Variants in PRKCZ observed in about 807,000 individuals in gnomAD.
PRKCZ encodes the protein protein kinase C zeta.
A neutral mutation model predicts 79.5 loss-of-function variants in PRKCZ; 33 were observed. The observed-to-expected ratio is 0.41, with a 90% CI of 0.31 to 0.55. PRKCZ has a LOEUF of 0.55. Among genes scored for constraint, PRKCZ ranks in the 20% least tolerant of loss-of-function variants. PRKCZ has a pLI of 0.19. For missense variants in PRKCZ, 578 were observed against 813.5 expected (o/e 0.71, Z 3.52); for synonymous variants, 342 against 320.9 (o/e 1.07, Z -0.70).
At chr1:2,148,822 GC>G in intron 7 of PRKCZ, 49 bp from the exon 8 acceptor site, 1 of 1,585,088 alleles carries the variant, frequency 6.3e-7, no homozygotes. Flanking sequence ...TGTTCCCAGT[GC>G]GTTCCTGACC....
chr1:2,100,396 C>T (rs894493132), intron 4 of PRKCZ, among the ~76,000 whole-genome samples: 10 of 152,228 alleles, frequency 6.6e-5, no homozygotes, highest in African/African-American at 2.4e-4. Context: ...CCAGCTGCCC[C>T]TTCCTCCAGG....
intron 4 of PRKCZ, among the ~76,000 whole-genome samples, chr1:2,112,366 G>A (rs1669912470): frequency 6.6e-6 from 1 of 152,178 alleles, no homozygotes; most frequent in African/African-American, 2.4e-5. Flanking sequence ...GAGGCGGCCC[G>A]CGAACCTCTG....
intron 16 of PRKCZ, among the ~76,000 whole-genome samples, chr1:2,179,081 A>G (rs1227264036): frequency 1.3e-5 from 2 of 152,164 alleles, no homozygotes; most frequent in Admixed American, 6.5e-5. Context: ...GAAGAGAGGC[A>G]GTGTGTGTGC....
chr1:2,182,217 C>G, intron 16 of PRKCZ: 1 of 227,792 alleles, frequency 4.4e-6, no homozygotes, highest in Non-Finnish European at 8.9e-6. Context: ...GTTGTTGTGG[C>G]TGTTCTTGGC....
At chr1:2,179,776 G>T (rs965464860) in intron 16 of PRKCZ, among the ~76,000 whole-genome samples, 1 of 152,204 alleles carries the variant, frequency 6.6e-6, no homozygotes, top group African/African-American at 2.4e-5. Flanking sequence ...GGAGGAGCAA[G>T]GACTCTAATG....
At chr1:2,132,049 G>C (rs1482689044) in intron 4 of PRKCZ, among the ~76,000 whole-genome samples, 5 of 152,214 alleles carry the variant, frequency 3.3e-5, no homozygotes, top group African/African-American at 9.6e-5. Flanking sequence ...CTGACCTTGT[G>C]ATCTGCCCGC....
chr1:2,113,937 A>G (rs61775448), intron 4 of PRKCZ, among the ~76,000 whole-genome samples: 95,070 of 151,398 alleles, frequency 0.63, 29,968 homozygotes, highest in African/African-American at 0.69. Flanking sequence ...GCGGGGGCCC[A>G]GCCCACAGCA....
chr1:2,137,029 G>A (rs1278132406), intron 5 of PRKCZ, among the ~76,000 whole-genome samples: 1 of 152,180 alleles, frequency 6.6e-6, no homozygotes, highest in African/African-American at 2.4e-5. Context: ...GGCTGGGGAA[G>A]AAAGAAGCCA....
chr1:2,050,615 G>C lies in PRKCZ; in HGVS notation c.-16G>C. ...CTCCCGGGGCGCAGCGCTGACGGCG[G>C]CGGGGGGAGCGCGCCATGCCCAGCA... is the stretch of plus-strand genomic sequence containing the variant. On this transcript the variant is annotated 5_prime_UTR_variant, in exon 1 of 18. Transcript: ENST00000378567. 3 of 1,220,684 alleles carry C rather than the reference G, an allele frequency of 2.5e-6. No homozygotes were observed. Among genetic ancestry groups the C allele is most frequent in the Non-Finnish European group, 3.1e-6 (3 of 980,120 alleles). 75.6% of individuals were successfully genotyped at this position (1,220,684 alleles called of 1,614,324 possible). A position where few individuals can be genotyped will look rare whatever the true frequency, so the allele number is the denominator to read the frequency against.
chr1:2,165,611 G>C lies in PRKCZ; in HGVS notation c.975-3907G>C, dbSNP rs1217068576. Among the ~76,000 whole-genome samples the C allele has an allele frequency of 2.0e-5, 3 of 152,248 alleles. No homozygotes were observed. Among genetic ancestry groups the C allele is most frequent in the African/African-American group, 4.8e-5 (2 of 41,468 alleles). ...CACCTTTGTGGGCCATGCGGCCTCTGTGGCAACTATGCGTTCTAAAACAGA... is the reference window on the plus strand; with the variant it reads ...CACCTTTGTGGGCCATGCGGCCTCTCTGGCAACTATGCGTTCTAAAACAGA... On this transcript the variant is annotated intron_variant, in intron 10 of 17. Coordinates refer to ENST00000378567, the MANE Select transcript of PRKCZ (RefSeq NM_002744.6). This position sits in a 1 kb window ranked among gnomAD's most constrained non-coding sequence, Gnocchi z 4.1.
chr1:2,150,245 T>A (rs574963582), intron 8 of PRKCZ, among the ~76,000 whole-genome samples: 8 of 150,066 alleles, frequency 5.3e-5, no homozygotes, highest in Non-Finnish European at 1.2e-4. Flanking sequence ...CACCCCGACC[T>A]CCTTGCCAGG....
chr1:2,169,441 G>A (rs773365773), intron 10 of PRKCZ, 77 bp from the exon 11 acceptor site: 13 of 1,326,596 alleles, frequency 9.8e-6, no homozygotes, highest in African/African-American at 8.8e-5. Flanking sequence ...CACGAAGGCC[G>A]CTTCTGTGGG....
intron 4 of PRKCZ, among the ~76,000 whole-genome samples, chr1:2,079,647 G>A (rs1571215035): frequency 1.3e-5 from 2 of 152,244 alleles, no homozygotes; most frequent in African/African-American, 4.8e-5. Flanking sequence ...TGGCCCCGCG[G>A]CTGCTGCTGA....
rs1685738344 is a variant in PRKCZ, at chr1:2,177,634, C to G, written c.1575+2321C>G. Among the ~76,000 whole-genome samples, 1 of 152,222 alleles carries G rather than the reference C, an allele frequency of 6.6e-6. No homozygotes were observed. The highest frequency in any genetic ancestry group is 1.5e-5 in the Non-Finnish European group (1 of 68,034). On this transcript the variant is annotated intron_variant, in intron 16 of 17. Transcript: ENST00000378567. This position sits in a 1 kb window ranked among gnomAD's most constrained non-coding sequence, Gnocchi z 6.4. Reference sequence around the variant, plus strand: ...GAGACCATGAAGCCACCCTTGGCCTCTAGCTGGGAGAGGTCTGCGTCCCTG... The same window carrying G: ...GAGACCATGAAGCCACCCTTGGCCTGTAGCTGGGAGAGGTCTGCGTCCCTG...
At chr1:2,175,377 C>G (rs1314148321) in intron 16 of PRKCZ, 64 bp downstream of exon 16, 1 of 1,355,802 alleles carries the variant, frequency 7.4e-7, no homozygotes, top group Non-Finnish European at 1.0e-6. Context: ...TACCCAACCC[C>G]CATCCCAACC....
At chr1:2,153,992 A>C (rs1158027790) in intron 9 of PRKCZ, among the ~76,000 whole-genome samples, 1 of 152,214 alleles carries the variant, frequency 6.6e-6, no homozygotes, top group African/African-American at 2.4e-5. Flanking sequence ...AGCCCCACGC[A>C]GGGCCTTGAA....
At position 2,055,563 on chromosome 1, in the gene PRKCZ, G is replaced by A; in HGVS notation, c.193+1G>A. Reference sequence around the variant, plus strand: ...ACCCTCAAGTGGGTGGACAGCGAAGGTAGCCCTTGTCCCATGTTGGCCAGA... The same window carrying A: ...ACCCTCAAGTGGGTGGACAGCGAAGATAGCCCTTGTCCCATGTTGGCCAGA... On this transcript the variant is annotated splice_donor_variant, in intron 2 of 17. Transcript: ENST00000378567. LOFTEE classifies it high-confidence loss of function. 4 of 1,612,922 alleles carry A rather than the reference G, an allele frequency of 2.5e-6. No homozygotes were observed. The highest frequency in any genetic ancestry group is 3.4e-6 in the Non-Finnish European group (4 of 1,179,428).
chr1:2,055,648 A>G (rs755892147), intron 2 of PRKCZ, 86 bp downstream of exon 2: 125 of 1,506,144 alleles, frequency 8.3e-5, no homozygotes, highest in Non-Finnish European at 1.1e-4. Flanking sequence ...TGCTCAGCCA[A>G]TTCTGTGGGG....
At chr1:2,114,187 A>AGGACGTGGAAGGAG (rs1180497858) in intron 4 of PRKCZ, among the ~76,000 whole-genome samples, 10 of 96,048 alleles carry the variant, frequency 1.0e-4, no homozygotes, top group Admixed American at 5.1e-4. Context: ...GTGGCCTGGG[A>AGGACGTGGAAGGAG]GGACGTGGAA....
Sources: gnomAD v4.1 joint callset for allele counts (sites outside exome capture counted in the v4.1 genomes callset) on GRCh38, gnomAD v4.1.1 for gene constraint, Gnocchi (gnomAD v3.1) non-coding constraint, MANE v1.5 for transcripts, NCBI Gene and HGNC (gene_info 2026-07-23, HGNC 2026-07-21) for gene names.